WDFY1: variants seen among roughly 807,000 people sequenced by gnomAD.
WDFY1 encodes WD repeat and FYVE domain-containing protein 1.
Under a neutral mutation model 56.4 loss-of-function variants are expected in WDFY1, and 32 were observed. The observed-to-expected ratio is 0.57, with a 90% confidence interval of 0.43 to 0.76. The LOEUF is 0.76. WDFY1 is among the 30% of genes least tolerant of loss of function. The pLI, the probability that WDFY1 is intolerant of heterozygous loss-of-function variation, is 0.00. For synonymous variants in WDFY1, 192 were observed against 197.3 expected, an observed-to-expected ratio of 0.97 and a Z score of 0.23; for missense variants, 480 against 545.7, an observed-to-expected ratio of 0.88 and a Z score of 1.20.
chr2:223,932,291 T>C (rs1473731929), intron 1 of WDFY1, among the ~76,000 whole-genome samples: 1 of 151,664 alleles, frequency 6.6e-6, no homozygotes, highest in Non-Finnish European at 1.5e-5. Flanking sequence ...CCTGGCTAAT[T>C]TTTTGTATTT....
chr2:223,925,791 G>C (rs1049761535), intron 1 of WDFY1, among the ~76,000 whole-genome samples: 12 of 152,172 alleles, frequency 7.9e-5, no homozygotes, highest in African/African-American at 2.9e-4. Flanking sequence ...ATCTTCATTA[G>C]ATGTTGATTC....
chr2:223,921,949 C>T lies in WDFY1; in HGVS notation c.138-3939G>A, dbSNP rs115279034. 7.0e-3 allele frequency among the ~76,000 whole-genome samples: 1,069 copies of T among 152,298 alleles called. 9 individuals are homozygous for T. Among genetic ancestry groups the T allele is most frequent in the Middle Eastern group, 0.027 (8 of 294 alleles). On this transcript the variant is annotated intron_variant, in intron 1 of 11. Transcript: ENST00000233055. ...TGGACTCTTGCCTCCCTCTGCTCCACCTCCAGTGTGCTGACCCCCAGCTAC... is the reference window on the plus strand; with the variant it reads ...TGGACTCTTGCCTCCCTCTGCTCCATCTCCAGTGTGCTGACCCCCAGCTAC...
rs780915183 is a variant in WDFY1, at chr2:223,880,079, T to C, written c.1173+45A>G. The C allele has an allele frequency of 2.9e-5, 44 of 1,508,970 alleles. No individual in the cohort carries two copies. The East Asian group carries it at 3.6e-4, about 12-fold the overall frequency. 93.5% of individuals were successfully genotyped at this position (1,508,970 alleles called of 1,614,324 possible). On this transcript the variant is annotated intron_variant, in intron 11 of 11. Coordinates refer to ENST00000233055, the MANE Select transcript of WDFY1 (RefSeq NM_020830.5). Reference sequence around the variant, plus strand: ...CTCCTGCACATTCACAGCATGGTAATAGGCAATCTCAACTGAGATGCTGAC... The same window carrying C: ...CTCCTGCACATTCACAGCATGGTAACAGGCAATCTCAACTGAGATGCTGAC...
At position 223,878,515 on chromosome 2, in the gene WDFY1, G is replaced by A. The variant is rs1693009079; in HGVS notation, c.*156C>T. 8.2e-6 allele frequency: 5 copies of A among 610,250 alleles called. No individual in the cohort carries two copies. 37.8% of individuals were successfully genotyped at this position (610,250 alleles called of 1,614,324 possible). On this transcript the variant is annotated 3_prime_UTR_variant, in exon 12 of 12. Transcript: ENST00000233055. ...GTCCCCATGGGTAAGTTCCACAAAT[G>A]CCCCAAAACACACCTTTACATTTTC...
At chr2:223,934,800 C>A (rs1242555339) in intron 1 of WDFY1, among the ~76,000 whole-genome samples, 1 of 152,330 alleles carries the variant, frequency 6.6e-6, no homozygotes, top group Admixed American at 6.5e-5. Context: ...GGGTTACAGG[C>A]ATGAGCCATT....
At chr2:223,916,863 G>A (rs1299494390) in intron 2 of WDFY1, among the ~76,000 whole-genome samples, 3 of 148,644 alleles carry the variant, frequency 2.0e-5, no homozygotes, top group Admixed American at 6.7e-5. Context: ...TGCCCAGGCT[G>A]GAGTGCAGTG....
chr2:223,920,854 C>T (rs557506892), intron 1 of WDFY1, among the ~76,000 whole-genome samples: 1 of 152,352 alleles, frequency 6.6e-6, no homozygotes, highest in South Asian at 2.1e-4. Context: ...AAGGTACTCT[C>T]GACAGTGGCT....
intron 8 of WDFY1, among the ~76,000 whole-genome samples, chr2:223,886,729 T>TAAA (rs34317110): frequency 0.77 from 73,455 of 95,386 alleles, 30,282 homozygotes; most frequent in South Asian, 0.94. Flanking sequence ...AAACTCCGTC[T>TAAA]AAAAAAAAAA....
At chr2:223,938,027 A>G (rs1479156828) in intron 1 of WDFY1, among the ~76,000 whole-genome samples, 2 of 152,190 alleles carry the variant, frequency 1.3e-5, no homozygotes, top group Admixed American at 6.5e-5. Flanking sequence ...TATATTACAT[A>G]TTTGGTATAA....
chr2:223,908,113 C>T (rs1483572839), intron 3 of WDFY1, among the ~76,000 whole-genome samples: 6 of 152,184 alleles, frequency 3.9e-5, no homozygotes, highest in Admixed American at 2.6e-4. Context: ...GCCTAAGCCT[C>T]CCAAAGTGCT....
At chr2:223,894,124 G>A (rs961386203) in intron 8 of WDFY1, 110 bp downstream of exon 8, 30 of 993,852 alleles carry the variant, frequency 3.0e-5, no homozygotes, top group Non-Finnish European at 2.1e-5. Context: ...GGGAAGCTGG[G>A]ACTGTCTGCA....
Position 223,875,595 on chromosome 2 carries a change from A to C in WDFY1, c.*3076T>G, listed in dbSNP as rs1254737316. The C allele has an allele frequency of 6.6e-6, 1 of 152,234 alleles. No homozygotes were observed. Among genetic ancestry groups the C allele is most frequent in the Non-Finnish European group, 1.5e-5 (1 of 68,036 alleles). 9.4% of individuals were successfully genotyped at this position (152,234 alleles called of 1,614,324 possible). On this transcript the variant is annotated 3_prime_UTR_variant, in exon 12 of 12. Coordinates refer to ENST00000233055, the MANE Select transcript of WDFY1 (RefSeq NM_020830.5). ...GTACTCTAATACAAATTTGTTGCAC[A>C]ATTAAACTTCAACTTACTCAAAGAG...
At chr2:223,906,026 A>T (rs776659285) in intron 3 of WDFY1, 25 bp from the exon 4 acceptor site, 38 of 1,507,184 alleles carry the variant, frequency 2.5e-5, no homozygotes, top group Non-Finnish European at 3.2e-5. Flanking sequence ...ACAAAATAAA[A>T]AATTAAAAGA....
At chr2:223,923,817 G>A (rs1243680094) in intron 1 of WDFY1, among the ~76,000 whole-genome samples, 1 of 152,086 alleles carries the variant, frequency 6.6e-6, no homozygotes, top group Non-Finnish European at 1.5e-5. Flanking sequence ...AGATCAGATG[G>A]TATTATTTTT....
intron 2 of WDFY1, 40 bp downstream of exon 2, chr2:223,917,903 T>G (rs768944705): frequency 3.1e-6 from 5 of 1,608,974 alleles, no homozygotes; most frequent in Admixed American, 3.4e-5. Context: ...TCAAAAACAT[T>G]AGAGACATTT....
chr2:223,942,878 A>G (rs1689335680), intron 1 of WDFY1, among the ~76,000 whole-genome samples: 2 of 151,158 alleles, frequency 1.3e-5, no homozygotes, highest in Admixed American at 6.6e-5. Context: ...CTACGTTCAC[A>G]TCATGCAAGA....
At chr2:223,884,792 T>C (rs1304007887) in intron 8 of WDFY1, 43 bp from the exon 9 acceptor site, 6 of 1,541,488 alleles carry the variant, frequency 3.9e-6, no homozygotes, top group African/African-American at 1.4e-5. Flanking sequence ...TGTGTCTATA[T>C]TTACTCCCAT....
rs1244182704 is a variant in WDFY1 at position 223,875,701 on chromosome 2, G to C, written c.*2970C>G. On this transcript the variant is annotated 3_prime_UTR_variant, in exon 12 of 12. Transcript: ENST00000233055. ...ATTAACAATTAAGCAATAGACACTT[G>C]AATAAATATAGCATGTATTACTTAT... The C allele has an allele frequency of 6.6e-6, 1 of 152,100 alleles. No individual in the cohort carries two copies. Among genetic ancestry groups the C allele is most frequent in the African/African-American group, 2.4e-5 (1 of 41,438 alleles). The allele number at this position is 152,100 out of a possible 1,614,324, so 9.4% of individuals were successfully genotyped here.
At chr2:223,905,066 A>G (rs1693573285) in intron 4 of WDFY1, among the ~76,000 whole-genome samples, 2 of 152,232 alleles carry the variant, frequency 1.3e-5, no homozygotes. Flanking sequence ...AAGACAACAA[A>G]TGGTCAACAT....
Sources: allele counts gnomAD v4.1 joint callset (sites outside exome capture counted in the v4.1 genomes callset), GRCh38; gene constraint gnomAD v4.1.1; transcripts MANE v1.5; gene names NCBI Gene and HGNC (gene_info 2026-07-23, HGNC 2026-07-21).